Variants in MAD1L1 observed in about 807,000 individuals in gnomAD.
MAD1L1 encodes mitotic arrest deficient 1 like 1.
Under a neutral mutation model 96.9 loss-of-function variants are expected in MAD1L1, and 95 were observed. The ratio of observed to expected loss-of-function variants is 0.98; its 90% CI spans 0.83 to 1.16. MAD1L1 has a LOEUF of 1.16. Ranked by LOEUF, MAD1L1 falls within the 50% of genes most tolerant of loss-of-function variation. The pLI is 0.00. For synonymous variants in MAD1L1, 473 were observed against 396.6 expected (o/e 1.19, Z -2.29); for missense variants, 1,007 against 954.4 (o/e 1.06, Z -0.73).
At chr7:1,886,382 A>G (rs1205897843) in intron 18 of MAD1L1, among the ~76,000 whole-genome samples, 1 of 152,290 alleles carries the variant, frequency 6.6e-6, no homozygotes, top group Non-Finnish European at 1.5e-5. Context: ...ACCCGTTGGC[A>G]GCAAAGCGGA....
Position 2,185,630 on chromosome 7 carries a change from AT to A in MAD1L1, c.986+27581del, listed in dbSNP as rs576535924. Among the ~76,000 whole-genome samples the A allele has an allele frequency of 9.3e-5, 14 of 150,698 alleles. No individual in the cohort carries two copies. In the East Asian group the frequency reaches 1.6e-3, roughly 17 times the overall value. On this transcript the variant is annotated intron_variant, in intron 10 of 18. Coordinates refer to ENST00000265854, the MANE Select transcript of MAD1L1 (RefSeq NM_001013836.2). Reference sequence around the variant, plus strand: ...TTCTAAGCCACGTGCATGCTTCTAGATTTTTTTTTTCCTTTTTTTAATGCTT... The same window carrying A: ...TTCTAAGCCACGTGCATGCTTCTAGATTTTTTTTTCCTTTTTTTAATGCTT...
intron 17 of MAD1L1, among the ~76,000 whole-genome samples, chr7:1,911,837 G>T (rs1393517296): frequency 6.6e-6 from 1 of 152,240 alleles, no homozygotes; most frequent in Admixed American, 6.5e-5. Context: ...CCTGGACTGG[G>T]TCTGAACCTC....
At position 1,957,645 on chromosome 7, in the gene MAD1L1, TC is replaced by T. The variant is rs1779783683; in HGVS notation, c.1579del (p.Glu527SerfsTer19). On this transcript the variant is annotated frameshift_variant, in exon 16 of 19. Transcript: ENST00000265854. LOFTEE classifies it high-confidence loss of function. ...CGCCCTCACCTGCAGAGCTCGCCGC[TC>T]CAGCTGTGCCTCCAGCATCCTCTTT... ...EEKRMLEAQLERRALQGDYDQ... is the reference protein window; with the variant it reads ...EEKRMLEAQLXRRALQGDYDQ... The T allele has an allele frequency of 1.2e-6, 2 of 1,613,834 alleles. No homozygotes were observed. The highest frequency in any genetic ancestry group is 2.7e-5 in the African/African-American group (2 of 74,926).
chr7:2,144,732 G>GT (rs1365671267), intron 11 of MAD1L1, among the ~76,000 whole-genome samples: 3 of 152,050 alleles, frequency 2.0e-5, no homozygotes, highest in Non-Finnish European at 4.4e-5. Context: ...TGTGTGAAGC[G>GT]TGAGCAGAGG....
At chr7:1,917,918 G>C (rs7789767) in intron 17 of MAD1L1, among the ~76,000 whole-genome samples, 21,507 of 152,184 alleles carry the variant, frequency 0.14, 3,275 homozygotes, top group African/African-American at 0.38. Flanking sequence ...CGGGGACGGA[G>C]GGCGGCCCTG....
intron 10 of MAD1L1, among the ~76,000 whole-genome samples, chr7:2,193,794 A>C (rs1403684121): frequency 6.6e-6 from 1 of 152,144 alleles, no homozygotes; most frequent in Non-Finnish European, 1.5e-5. Context: ...TCTCTTCCAC[A>C]ACCACCCTCA....
intron 16 of MAD1L1, among the ~76,000 whole-genome samples, chr7:1,948,098 G>C (rs986953972): frequency 6.6e-6 from 1 of 152,138 alleles, no homozygotes; most frequent in Non-Finnish European, 1.5e-5. Flanking sequence ...CTCCACCATG[G>C]GGAGTGAGTG....
intron 10 of MAD1L1, among the ~76,000 whole-genome samples, chr7:2,197,582 G>C (rs1792059915): frequency 6.6e-6 from 1 of 152,164 alleles, no homozygotes; most frequent in Non-Finnish European, 1.5e-5. Context: ...GCACGACCAG[G>C]ACTGGCGGGC....
At position 1,889,409 on chromosome 7, in the gene MAD1L1, C is replaced by A. The variant is rs1786396563; in HGVS notation, c.1998+8791G>T. Among the ~76,000 whole-genome samples, 3 of 152,354 alleles carry A rather than the reference C, an allele frequency of 2.0e-5. No individual in the cohort carries two copies. The South Asian group carries it at 6.2e-4, about 32-fold the overall frequency. ...GGCACTCTTGCCATTTCCCTGGCCT[C>A]TGTACTGCTAGGGTCCCTCAGGAGG... On this transcript the variant is annotated intron_variant, in intron 18 of 18. Coordinates refer to ENST00000265854, the MANE Select transcript of MAD1L1 (RefSeq NM_001013836.2).
chr7:2,219,726 C>T (rs1368597688), intron 5 of MAD1L1, among the ~76,000 whole-genome samples: 4 of 151,914 alleles, frequency 2.6e-5, no homozygotes, highest in African/African-American at 9.7e-5. Context: ...GGGGGCAGAG[C>T]CACCTCCTTC....
At chr7:1,917,947 C>G (rs1352052568) in intron 17 of MAD1L1, among the ~76,000 whole-genome samples, 1 of 152,150 alleles carries the variant, frequency 6.6e-6, no homozygotes, top group African/African-American at 2.4e-5. Context: ...GCATCAGGCC[C>G]CACCCTGTGG....
At chr7:1,936,217 G>C (rs1437193848) in intron 17 of MAD1L1, among the ~76,000 whole-genome samples, 2 of 152,234 alleles carry the variant, frequency 1.3e-5, no homozygotes, top group African/African-American at 4.8e-5. Context: ...GCCTCATGTA[G>C]ACCTGGAGGG....
At chr7:1,836,058 G>A (rs1782923017) in intron 18 of MAD1L1, among the ~76,000 whole-genome samples, 1 of 152,180 alleles carries the variant, frequency 6.6e-6, no homozygotes, top group African/African-American at 2.4e-5. Flanking sequence ...GTCTCACTCT[G>A]CCGCCCAGGC....
At chr7:2,167,719 C>G (rs1790508322) in intron 10 of MAD1L1, among the ~76,000 whole-genome samples, 1 of 150,452 alleles carries the variant, frequency 6.6e-6, no homozygotes, top group Non-Finnish European at 1.5e-5. Context: ...AACCTCATCT[C>G]TTAAAAAAAT....
chr7:1,979,328 G>C (rs1780788597), intron 15 of MAD1L1, among the ~76,000 whole-genome samples: 1 of 152,172 alleles, frequency 6.6e-6, no homozygotes, highest in Admixed American at 6.5e-5. Flanking sequence ...AGAAACCCTG[G>C]ATGCCCAGGG....
chr7:2,138,978 C>T (rs1370182660), intron 11 of MAD1L1, among the ~76,000 whole-genome samples: 1 of 152,190 alleles, frequency 6.6e-6, no homozygotes, highest in Non-Finnish European at 1.5e-5. Flanking sequence ...GCAAGGAGAA[C>T]ACCTCTCAGC....
chr7:1,949,237 G>A (rs1273083411), intron 16 of MAD1L1, among the ~76,000 whole-genome samples: 2 of 152,176 alleles, frequency 1.3e-5, no homozygotes, highest in Non-Finnish European at 2.9e-5. Flanking sequence ...TAGAGTGGTG[G>A]CTATGGTGAC....
chr7:2,205,079 C>G (rs574972862), intron 10 of MAD1L1, among the ~76,000 whole-genome samples: 1 of 88,692 alleles, frequency 1.1e-5, no homozygotes, highest in Non-Finnish European at 2.4e-5. Context: ...CTCACAGGAT[C>G]TTTTCTTTTT....
chr7:2,138,630 C>G (rs1229678787), intron 11 of MAD1L1, among the ~76,000 whole-genome samples: 1 of 152,180 alleles, frequency 6.6e-6, no homozygotes, highest in African/African-American at 2.4e-5. Context: ...ACACCGCCAT[C>G]GCCTGCAGCA....
Sources: gnomAD v4.1 joint callset for allele counts (sites outside exome capture counted in the v4.1 genomes callset) on GRCh38, gnomAD v4.1.1 for gene constraint, MANE v1.5 for transcripts, NCBI Gene and HGNC (gene_info 2026-07-23, HGNC 2026-07-21) for gene names.